ANKEF1: variants seen among roughly 807,000 people sequenced by gnomAD.
The protein encoded by ANKEF1 is ankyrin repeat and EF-hand domain-containing protein 1.
ANKEF1 carries 43 observed loss-of-function variants against 65.1 expected under a neutral mutation model. That is an observed-to-expected ratio of 0.66 (90% CI 0.52 to 0.85). ANKEF1 has a LOEUF of 0.85. Ranked by LOEUF, ANKEF1 falls within the 40% of genes least tolerant of loss-of-function variation. The pLI is 0.00. For synonymous variants in ANKEF1, 316 were observed against 341.5 expected (o/e 0.93, Z 0.82); for missense variants, 934 against 952.9 (o/e 0.98, Z 0.26).
intron 7 of ANKEF1, among the ~76,000 whole-genome samples, chr20:10,051,179 C>T (rs558493): frequency 0.25 from 38,204 of 151,972 alleles, 4,989 homozygotes; most frequent in African/African-American, 0.28. Context: ...AAGTACTAAT[C>T]TTATTAGTAC....
chr20:10,039,335 GATA>G (rs1207750832), intron 3 of ANKEF1, among the ~76,000 whole-genome samples: 2 of 152,132 alleles, frequency 1.3e-5, no homozygotes, highest in East Asian at 3.9e-4. Flanking sequence ...AAATAACTGA[GATA>G]ATTACCAATA....
rs1003983264 is a variant in ANKEF1 at position 10,052,021 on chromosome 20, A to G, written c.1870+132A>G. 4.5e-6 allele frequency: 3 copies of G among 665,456 alleles called. No individual in the cohort carries two copies. In the Admixed American group the frequency reaches 9.6e-5, roughly 21 times the overall value. The allele number at this position is 665,456 out of a possible 1,614,324, so 41.2% of individuals were successfully genotyped here. ...CCTGGTACAAACACAAGCCTGAGTT[A>G]AATGTTATGGAAGTTTATCTTATAC... On this transcript the variant is annotated intron_variant, in intron 8 of 10. Transcript: ENST00000378392.
chr20:10,051,166 A>G (rs1330976873), intron 7 of ANKEF1, among the ~76,000 whole-genome samples: 2 of 152,222 alleles, frequency 1.3e-5, no homozygotes, highest in Non-Finnish European at 2.9e-5. Context: ...TACTTGAGAA[A>G]TAAAGTACTA....
chr20:10,045,188 C>T (rs1050570527), intron 5 of ANKEF1, among the ~76,000 whole-genome samples: 11 of 152,082 alleles, frequency 7.2e-5, no homozygotes, highest in Non-Finnish European at 1.6e-4. Flanking sequence ...GAATTTTCCC[C>T]TTGGATGCTG....
In ANKEF1 at chr20:10,041,299, AT is replaced by A. The variant is rs955624566; in HGVS notation, c.347-1814del. ...GCTTTTTAGTTATTTTAGTTTTTTT[AT>A]TTTTTTTTAGTTATTTTAATGGTTA... is the stretch of plus-strand genomic sequence containing the variant. On this transcript the variant is annotated intron_variant, in intron 3 of 10. Coordinates refer to ENST00000378392, the MANE Select transcript of ANKEF1 (RefSeq NM_022096.6). 5.8e-3 allele frequency among the ~76,000 whole-genome samples: 800 copies of A among 137,760 alleles called. 3 individuals carry two copies. The highest frequency in any genetic ancestry group is 0.019 in the African/African-American group (753 of 39,256). The allele number at this position is 137,760 out of a possible 152,430, so 90.4% of individuals were successfully genotyped here. A position where few individuals can be genotyped will look rare whatever the true frequency, so the allele number is the denominator to read the frequency against.
chr20:10,053,558 G>T (rs1181983041), intron 9 of ANKEF1, among the ~76,000 whole-genome samples: 1 of 152,156 alleles, frequency 6.6e-6, no homozygotes, highest in Non-Finnish European at 1.5e-5. Flanking sequence ...CAAAACTGGT[G>T]TTGGATTTGT....
chr20:10,055,360 A>G, intron 10 of ANKEF1, 142 bp from the exon 11 acceptor site: 3 of 733,802 alleles, frequency 4.1e-6, no homozygotes, highest in South Asian at 4.0e-5. Flanking sequence ...AAACACATCT[A>G]AAAGTAAATT....
rs1481390778 is a variant in ANKEF1, at chr20:10,043,327, G to A, written c.546+6G>A. 6.2e-7 allele frequency: 1 copy of A among 1,612,436 alleles called. No homozygotes were observed. The highest frequency in any genetic ancestry group is 1.7e-5 in the Admixed American group (1 of 59,984). Reference sequence around the variant, plus strand: ...ATCCTAATGCAATCAACTCAGTATGGCTATTCTTGTGATTACAAATATTTC... The same window carrying A: ...ATCCTAATGCAATCAACTCAGTATGACTATTCTTGTGATTACAAATATTTC... On this transcript the variant is annotated splice_donor_region_variant and intron_variant, in intron 4 of 10. Transcript: ENST00000378392.
intron 2 of ANKEF1, among the ~76,000 whole-genome samples, chr20:10,037,225 G>A (rs1983911518): frequency 6.6e-6 from 1 of 152,170 alleles, no homozygotes; most frequent in Admixed American, 6.5e-5. Flanking sequence ...TACCCACAAA[G>A]TGGTAGATGG....
chr20:10,047,307 G>T (rs1035459365), intron 6 of ANKEF1, among the ~76,000 whole-genome samples: 1 of 152,172 alleles, frequency 6.6e-6, no homozygotes, highest in Non-Finnish European at 1.5e-5. Flanking sequence ...GTTTGAAAAT[G>T]TTCTGAGTTC....
rs541824046 is a variant in ANKEF1 at position 10,056,952 on chromosome 20, A to T, written c.*1292A>T. 6.6e-6 allele frequency: 1 copy of T among 152,190 alleles called. No homozygotes were observed. Among genetic ancestry groups the T allele is most frequent in the African/African-American group, 2.4e-5 (1 of 41,456 alleles). 9.4% of individuals were successfully genotyped at this position (152,190 alleles called of 1,614,324 possible). On this transcript the variant is annotated 3_prime_UTR_variant, in exon 11 of 11. Coordinates refer to ENST00000378392, the MANE Select transcript of ANKEF1 (RefSeq NM_022096.6). The stretch of plus-strand genomic sequence containing the variant: ...GTTACTGGGTGCTACAACCTAGCCA[A>T]GTTGAGTCATAAAACTGACCATCTC...
chr20:10,049,801 A>C lies in ANKEF1; in HGVS notation c.1232A>C (p.Tyr411Ser). The change falls in exon 7 of 11, where the codon TAT becomes TCT. Residue 411 changes from tyrosine to serine, a missense_variant. Physicochemically the swap from Tyr to Ser is moderately radical, Grantham distance 144. Coordinates refer to ENST00000378392, the MANE Select transcript of ANKEF1 (RefSeq NM_022096.6). ...YLNKSFVLGSYGPKKKEKGMG... is the reference protein window; with the variant it reads ...YLNKSFVLGSSGPKKKEKGMG... Reference sequence around the variant, plus strand: ...AACAAGTCTTTTGTCTTAGGATCGTATGGACCTAAGAAAAAGGAAAAAGGG... The same window carrying C: ...AACAAGTCTTTTGTCTTAGGATCGTCTGGACCTAAGAAAAAGGAAAAAGGG... 10 of 1,614,168 alleles carry C rather than the reference A, an allele frequency of 6.2e-6. No individual in the cohort carries two copies. Among genetic ancestry groups the C allele is most frequent in the Non-Finnish European group, 8.5e-6 (10 of 1,180,042 alleles).
chr20:10,049,317 G>T (rs1056351224), intron 6 of ANKEF1, 73 bp from the exon 7 acceptor site: 1 of 1,360,170 alleles, frequency 7.4e-7, no homozygotes, highest in African/African-American at 1.5e-5. Flanking sequence ...TAAGAAAACA[G>T]TTGGATGAGT....
At chr20:10,038,160 C>T in intron 2 of ANKEF1, 98 bp from the exon 3 acceptor site, 2 of 504,536 alleles carry the variant, frequency 4.0e-6, no homozygotes, top group Non-Finnish European at 6.9e-6. Flanking sequence ...TCTTAAAAAA[C>T]AATCTCTGTT....
At chr20:10,055,210 G>A (rs963389115) in intron 10 of ANKEF1, among the ~76,000 whole-genome samples, 7 of 152,114 alleles carry the variant, frequency 4.6e-5, no homozygotes, top group Non-Finnish European at 1.0e-4. Context: ...CCTAAAAAAC[G>A]CACAGCAGCT....
At chr20:10,042,925 A>T (rs1409498669) in intron 3 of ANKEF1, among the ~76,000 whole-genome samples, 197 bp from the exon 4 acceptor site, 7 of 152,018 alleles carry the variant, frequency 4.6e-5, no homozygotes, top group African/African-American at 1.7e-4. Context: ...TGTGGTTGTG[A>T]CTGTTTTCTA....
Position 10,052,023 on chromosome 20 carries a change from A to T in ANKEF1, c.1870+134A>T. The T allele has an allele frequency of 4.6e-6, 3 of 659,296 alleles. No homozygotes were observed. The South Asian group carries it at 6.9e-5, about 15-fold the overall frequency. The allele number at this position is 659,296 out of a possible 1,614,324, so 40.8% of individuals were successfully genotyped here. A position where few individuals can be genotyped will look rare whatever the true frequency, so the allele number is the denominator to read the frequency against. On this transcript the variant is annotated intron_variant, in intron 8 of 10. Coordinates refer to ENST00000378392, the MANE Select transcript of ANKEF1 (RefSeq NM_022096.6). The stretch of plus-strand genomic sequence containing the variant: ...TGGTACAAACACAAGCCTGAGTTAA[A>T]TGTTATGGAAGTTTATCTTATACCA...
rs146834465 is a variant in ANKEF1 at position 10,049,996 on chromosome 20, A to G, written c.1427A>G (p.His476Arg). The G allele has an allele frequency of 1.2e-6, 2 of 1,614,142 alleles. No homozygotes were observed. Among genetic ancestry groups the G allele is most frequent in the Non-Finnish European group, 1.7e-6 (2 of 1,180,004 alleles). ...TTTAATAGAGATCATCCCCCAGAAC[A>G]TCCCATTCAGGATGACTCTGTTTGG... is the stretch of plus-strand genomic sequence containing the variant. ...SRFNRDHPPEHPIQDDSVWYI... is the reference protein window; with the variant it reads ...SRFNRDHPPERPIQDDSVWYI... The change falls in exon 7 of 11, where the codon CAT (histidine) becomes CGT (arginine). Residue 476 changes from histidine (H) to arginine (R), a missense_variant. Transcript: ENST00000378392.
intron 3 of ANKEF1, among the ~76,000 whole-genome samples, chr20:10,038,970 A>G (rs931979340): frequency 6.6e-6 from 1 of 152,226 alleles, no homozygotes; most frequent in South Asian, 2.1e-4. Flanking sequence ...TCTTTAAAAC[A>G]AAGATGAAGT....
Sources: allele counts gnomAD v4.1 joint callset (sites outside exome capture counted in the v4.1 genomes callset), GRCh38; gene constraint gnomAD v4.1.1; transcripts MANE v1.5; gene names NCBI Gene and HGNC (gene_info 2026-07-23, HGNC 2026-07-21).